DNAJC3: variants seen among roughly 807,000 people sequenced by gnomAD.
DNAJC3 encodes dnaJ homolog subfamily C member 3.
Under a neutral mutation model 68.6 loss-of-function variants are expected in DNAJC3, and 38 were observed. The observed-to-expected ratio is 0.55, with a 90% CI of 0.43 to 0.73. The LOEUF (loss-of-function observed/expected upper bound fraction) is 0.73, where lower values mean the gene tolerates loss of function less well. Among genes scored for constraint, DNAJC3 ranks in the 30% least tolerant of loss-of-function variants. The pLI is 0.00. For synonymous variants in DNAJC3, 203 were observed against 204.0 expected (o/e 1.00, Z 0.04); for missense variants, 526 against 591.9 (o/e 0.89, Z 1.16).
At chr13:95,690,735 C>T (rs544712540) in intron 1 of DNAJC3, among the ~76,000 whole-genome samples, 15 of 145,092 alleles carry the variant, frequency 1.0e-4, no homozygotes, top group African/African-American at 3.6e-4. Context: ...CCAGTAGGGG[C>T]GGCCGGGCAG....
chr13:95,764,662 A>G (rs1452082021), intron 9 of DNAJC3, among the ~76,000 whole-genome samples: 1 of 120,878 alleles, frequency 8.3e-6, no homozygotes, highest in Non-Finnish European at 1.7e-5. Flanking sequence ...ATATATATAT[A>G]TATATATATA....
intron 2 of DNAJC3, among the ~76,000 whole-genome samples, chr13:95,710,829 G>A (rs1213622024): frequency 2.0e-5 from 3 of 152,076 alleles, no homozygotes; most frequent in African/African-American, 7.2e-5. Flanking sequence ...TAGGACTACA[G>A]CTGCATGCCA....
chr13:95,724,434 G>C (rs1235356734), intron 3 of DNAJC3, among the ~76,000 whole-genome samples: 1 of 152,146 alleles, frequency 6.6e-6, no homozygotes, highest in African/African-American at 2.4e-5. Flanking sequence ...GGGAGAAACT[G>C]GTGCATGTTA....
intron 7 of DNAJC3, among the ~76,000 whole-genome samples, chr13:95,762,052 T>A (rs145098404): frequency 6.6e-6 from 1 of 152,272 alleles, no homozygotes; most frequent in African/African-American, 2.4e-5. Context: ...GACCTGAGGT[T>A]GGGAGTTTGA....
rs920050943 is a variant in DNAJC3 at position 95,750,210 on chromosome 13, C to G, written c.394-7434C>G. Among the ~76,000 whole-genome samples, 42 of 148,836 alleles carry G rather than the reference C, an allele frequency of 2.8e-4. No homozygotes were observed. In the Admixed American group the frequency reaches 2.8e-3, roughly 10 times the overall value. On this transcript the variant is annotated intron_variant, in intron 4 of 11. Coordinates refer to ENST00000602402, the MANE Select transcript of DNAJC3 (RefSeq NM_006260.5). ...CCATTGCTACCCCTCTCCCATCAAT[C>G]TCTTCAATAAATGGCTGCACTCCAG...
intron 4 of DNAJC3, among the ~76,000 whole-genome samples, chr13:95,747,401 T>C (rs1279439137): frequency 6.6e-6 from 1 of 152,152 alleles, no homozygotes; most frequent in African/African-American, 2.4e-5. Flanking sequence ...TTTAAAAGGA[T>C]GCATCCGTGT....
intron 4 of DNAJC3, among the ~76,000 whole-genome samples, chr13:95,741,304 T>G (rs114473408): frequency 1.6e-3 from 245 of 152,324 alleles, no homozygotes; most frequent in African/African-American, 5.4e-3. Context: ...AGTAGTATAG[T>G]CTCCATATAA....
At chr13:95,677,389 C>A (rs772129116) in intron 1 of DNAJC3, 52 bp downstream of exon 1, 1 of 1,517,058 alleles carries the variant, frequency 6.6e-7, no homozygotes, top group Non-Finnish European at 8.9e-7. Context: ...CCAGGCCCCC[C>A]GCGCTTTCCC....
intron 1 of DNAJC3, among the ~76,000 whole-genome samples, chr13:95,683,843 G>T (rs932149992): frequency 3.4e-5 from 5 of 144,958 alleles, no homozygotes; most frequent in African/African-American, 1.0e-4. Flanking sequence ...CTGAGGCAGA[G>T]AATTGCTTAA....
chr13:95,711,421 C>T (rs1880959143), intron 2 of DNAJC3, among the ~76,000 whole-genome samples: 1 of 151,740 alleles, frequency 6.6e-6, no homozygotes, highest in Admixed American at 6.6e-5. Context: ...CACTTAGACC[C>T]AGGGGCCCGG....
intron 9 of DNAJC3, among the ~76,000 whole-genome samples, chr13:95,772,661 C>A (rs1170526776): frequency 6.6e-6 from 1 of 152,152 alleles, no homozygotes; most frequent in Non-Finnish European, 1.5e-5. Context: ...GTTTAAATAT[C>A]TTACTTTGTG....
chr13:95,768,841 G>A (rs1020505644), intron 9 of DNAJC3, among the ~76,000 whole-genome samples: 2 of 152,050 alleles, frequency 1.3e-5, no homozygotes, highest in Non-Finnish European at 2.9e-5. Context: ...CAGGCATGGT[G>A]GTATGCATCT....
At chr13:95,764,367 C>CTATATA (rs1216801215) in intron 9 of DNAJC3, among the ~76,000 whole-genome samples, 1 of 140,218 alleles carries the variant, frequency 7.1e-6, no homozygotes, top group African/African-American at 3.0e-5. Context: ...CTCTCTCTCT[C>CTATATA]TCTCTCTCTA....
chr13:95,731,813 C>T (rs1334498643), intron 4 of DNAJC3, among the ~76,000 whole-genome samples: 1 of 151,960 alleles, frequency 6.6e-6, no homozygotes, highest in African/African-American at 2.4e-5. Flanking sequence ...TGACTCACTG[C>T]AGCCTCAACC....
chr13:95,697,345 A>G (rs189378128), intron 1 of DNAJC3, among the ~76,000 whole-genome samples: 1 of 152,318 alleles, frequency 6.6e-6, no homozygotes, highest in East Asian at 1.9e-4. Context: ...TTTGGAGTCT[A>G]AAAAGAGGCC....
intron 9 of DNAJC3, among the ~76,000 whole-genome samples, chr13:95,777,102 C>T (rs954711809): frequency 6.6e-6 from 1 of 152,088 alleles, no homozygotes; most frequent in African/African-American, 2.4e-5. Flanking sequence ...GAGAATTTTC[C>T]CTGCTTTCTT....
rs539260923 is a variant in DNAJC3, at chr13:95,746,753, G to A, written c.394-10891G>A. Among the ~76,000 whole-genome samples the A allele has an allele frequency of 2.6e-5, 4 of 152,284 alleles. No homozygotes were observed. In the South Asian group the frequency reaches 8.3e-4, roughly 32 times the overall value. ...TCTTACTAATGTGGTGCTGGATACA[G>A]CCAGGTGGATATGTTTAGCTACATT... On this transcript the variant is annotated intron_variant, in intron 4 of 11. Coordinates refer to ENST00000602402, the MANE Select transcript of DNAJC3 (RefSeq NM_006260.5).
Position 95,677,232 on chromosome 13 carries a change from C to T in DNAJC3, c.-24C>T, listed in dbSNP as rs17885200. 3.1e-3 allele frequency: 5,000 copies of T among 1,598,138 alleles called. 142 individuals carry two copies. The African/African-American group carries it at 0.06, about 19-fold the overall frequency. On this transcript the variant is annotated 5_prime_UTR_variant, in exon 1 of 12. Coordinates refer to ENST00000602402, the MANE Select transcript of DNAJC3 (RefSeq NM_006260.5). Reference sequence around the variant, plus strand: ...GCTGGTGGGCCACACACCTTTCCTCCTCTTCACTCGCGAGCCCTCGGACAT... The same window carrying T: ...GCTGGTGGGCCACACACCTTTCCTCTTCTTCACTCGCGAGCCCTCGGACAT...
intron 1 of DNAJC3, among the ~76,000 whole-genome samples, chr13:95,705,770 C>T (rs1880721465): frequency 6.6e-6 from 1 of 152,106 alleles, no homozygotes; most frequent in South Asian, 2.1e-4. Context: ...AACTCCTGGC[C>T]TCAAGCAGTT....
Sources: allele counts gnomAD v4.1 joint callset (sites outside exome capture counted in the v4.1 genomes callset), GRCh38; gene constraint gnomAD v4.1.1; transcripts MANE v1.5; gene names NCBI Gene and HGNC (gene_info 2026-07-23, HGNC 2026-07-21).